STK3: variants seen among roughly 807,000 people sequenced by gnomAD.
STK3 encodes serine/threonine-protein kinase 3.
A neutral mutation model predicts 58.0 loss-of-function variants in STK3; 41 were observed. The observed-to-expected ratio is 0.71, with a 90% confidence interval of 0.55 to 0.92. The LOEUF is 0.92. STK3 is among the 40% of genes least tolerant of loss of function. STK3 has a pLI of 0.00. For synonymous variants in STK3, 170 were observed against 191.0 expected (o/e 0.89, Z 0.91); for missense variants, 479 against 602.7 (o/e 0.79, Z 2.15).
intron 3 of STK3, among the ~76,000 whole-genome samples, chr8:98,877,279 T>C (rs1837589113): frequency 6.6e-6 from 1 of 152,154 alleles, no homozygotes. Flanking sequence ...GAATTTAAAA[T>C]AATGGGCAGT....
chr8:98,426,669 TC>T (rs1460192249), intron 3 of STK3, among the ~76,000 whole-genome samples: 1 of 152,118 alleles, frequency 6.6e-6, no homozygotes, highest in Non-Finnish European at 1.5e-5. Flanking sequence ...TCCCGCCCTG[TC>T]CCCGGACACG....
intron 1 of STK3, among the ~76,000 whole-genome samples, chr8:98,920,521 T>C (rs1839518057): frequency 6.6e-6 from 1 of 152,248 alleles, no homozygotes; most frequent in South Asian, 2.1e-4. Flanking sequence ...AGCACATTAC[T>C]CATGGCCGGG....
At chr8:98,472,219 T>C (rs1024469174) in intron 10 of STK3, among the ~76,000 whole-genome samples, 11 of 152,202 alleles carry the variant, frequency 7.2e-5, no homozygotes, top group Admixed American at 5.9e-4. Flanking sequence ...TTAAACACTA[T>C]ACAATGCAGT....
intron 6 of STK3, chr8:98,633,438 G>A (rs1015420564): frequency 2.0e-5 from 10 of 508,264 alleles, no homozygotes; most frequent in Non-Finnish European, 3.6e-5. Context: ...AGGAGATTGA[G>A]ACTGCAGATT....
intron 1 of STK3, among the ~76,000 whole-genome samples, chr8:98,780,682 G>A (rs1349500019): frequency 2.0e-5 from 3 of 151,970 alleles, no homozygotes; most frequent in Non-Finnish European, 4.4e-5. Flanking sequence ...CAGTCTGGAG[G>A]GGAACAAGAT....
intron 3 of STK3, among the ~76,000 whole-genome samples, chr8:98,864,049 A>AT (rs766989832): frequency 6.6e-6 from 1 of 151,880 alleles, no homozygotes; most frequent in Non-Finnish European, 1.5e-5. Context: ...ACAAAAAAAA[A>AT]TTAGCCGGGT....
chr8:98,861,088 G>C (rs1478480149), intron 3 of STK3, among the ~76,000 whole-genome samples: 1 of 151,910 alleles, frequency 6.6e-6, no homozygotes, highest in Non-Finnish European at 1.5e-5. Context: ...CTGGACACTA[G>C]GCTAAGAATA....
intron 10 of STK3, among the ~76,000 whole-genome samples, chr8:98,456,657 C>A (rs1203461941): frequency 4.3e-4 from 66 of 152,150 alleles, no homozygotes; most frequent in Admixed American, 2.7e-3. Context: ...GACACAAGGT[C>A]TCAAACTTCT....
intron 6 of STK3, among the ~76,000 whole-genome samples, chr8:98,689,277 C>G (rs1824230000): frequency 6.6e-6 from 1 of 152,064 alleles, no homozygotes; most frequent in Non-Finnish European, 1.5e-5. Context: ...TACCAATGAA[C>G]AAAATCCCCC....
intron 6 of STK3, among the ~76,000 whole-genome samples, chr8:98,656,759 T>A (rs1821571156): frequency 6.6e-6 from 1 of 152,018 alleles, no homozygotes; most frequent in African/African-American, 2.4e-5. Context: ...ATAGAAAGAT[T>A]TATTGTTTAT....
intron 9 of STK3, among the ~76,000 whole-genome samples, chr8:98,531,729 C>A (rs1473324278): frequency 6.6e-6 from 1 of 152,194 alleles, no homozygotes; most frequent in Non-Finnish European, 1.5e-5. Context: ...GGGTAGCCAC[C>A]TTCATCAATT....
At chr8:98,622,582 G>A (rs961953108) in intron 6 of STK3, among the ~76,000 whole-genome samples, 9 of 152,092 alleles carry the variant, frequency 5.9e-5, no homozygotes, top group African/African-American at 1.9e-4. Flanking sequence ...TCAAATTATC[G>A]AGGACCGAGT....
chr8:98,864,061 T>C (rs965413779), intron 3 of STK3, among the ~76,000 whole-genome samples: 3 of 151,466 alleles, frequency 2.0e-5, no homozygotes, highest in Non-Finnish European at 4.4e-5. Flanking sequence ...TAGCCGGGTG[T>C]GGTGGCGGGT....
At chr8:98,367,054 G>A (rs968481859), downstream of STK3, among the ~76,000 whole-genome samples, 1 of 152,214 alleles carries the variant, frequency 6.6e-6, no homozygotes. Context: ...TCTCCAAAGT[G>A]TTGGTGGCTC....
At chr8:98,905,146 T>C (rs1433634762) in intron 1 of STK3, 46 of 1,425,906 alleles carry the variant, frequency 3.2e-5, no homozygotes, top group Non-Finnish European at 4.4e-5. Context: ...GGGCACTCTT[T>C]GGACCAGTGA....
chr8:98,598,887 A>G (rs1816067094), intron 6 of STK3: 1 of 985,356 alleles, frequency 1.0e-6, no homozygotes. Context: ...AAGCAGTTTA[A>G]TAACGCAAGA....
At chr8:98,586,142 G>C (rs954516563) in intron 7 of STK3, among the ~76,000 whole-genome samples, 2 of 151,812 alleles carry the variant, frequency 1.3e-5, no homozygotes, top group East Asian at 1.9e-4. Context: ...TGTTGAATAG[G>C]AGTGGTGAGA....
chr8:98,794,808 C>T (rs1040923337), intron 1 of STK3, among the ~76,000 whole-genome samples: 1 of 151,996 alleles, frequency 6.6e-6, no homozygotes, highest in African/African-American at 2.4e-5. Context: ...TGGCTCACGC[C>T]TGTAATCCCA....
chr8:98,717,418 A>G (rs963285446), intron 4 of STK3, among the ~76,000 whole-genome samples: 3 of 152,144 alleles, frequency 2.0e-5, no homozygotes, highest in African/African-American at 4.8e-5. Context: ...ACGTGGAAAG[A>G]TCCTCAACAT....
Sources: gnomAD v4.1 joint callset for allele counts (sites outside exome capture counted in the v4.1 genomes callset) on GRCh38, gnomAD v4.1.1 for gene constraint, MANE v1.5 for transcripts, NCBI Gene and HGNC (gene_info 2026-07-23, HGNC 2026-07-21) for gene names.